Variants in ROBO2 observed in about 807,000 individuals in gnomAD.
The protein encoded by ROBO2 is roundabout guidance receptor 2.
Under a neutral mutation model 160.8 loss-of-function variants are expected in ROBO2, and 53 were observed. The observed-to-expected ratio is 0.33, with a 90% CI of 0.26 to 0.41. The LOEUF (loss-of-function observed/expected upper bound fraction) is 0.41, where lower values mean the gene tolerates loss of function less well. Ranked by LOEUF, ROBO2 falls within the 10% of genes least tolerant of loss-of-function variation. The pLI is 1.00. For missense variants in ROBO2, 1,577 were observed against 1,722.4 expected (o/e 0.92, Z 1.49); for synonymous variants, 664 against 611.7 (o/e 1.09, Z -1.26).
intron 2 of ROBO2, among the ~76,000 whole-genome samples, chr3:76,693,334 T>A (rs1011188932): frequency 2.6e-5 from 4 of 150,944 alleles, no homozygotes; most frequent in Non-Finnish European, 5.9e-5. Context: ...CATACACATA[T>A]CCCTATATAT....
chr3:76,929,491 A>C (rs750053098), intron 2 of ROBO2, among the ~76,000 whole-genome samples: 9 of 152,138 alleles, frequency 5.9e-5, no homozygotes, highest in Admixed American at 1.3e-4. Context: ...CACTACTATC[A>C]ACCTTATGTA....
intron 2 of ROBO2, among the ~76,000 whole-genome samples, chr3:77,327,284 C>T (rs963426725): frequency 1.3e-5 from 2 of 152,212 alleles, no homozygotes; most frequent in Admixed American, 6.5e-5. Flanking sequence ...GAAGAAAAAA[C>T]GCCTTTTCCT....
chr3:77,360,156 G>C (rs1320577908), intron 2 of ROBO2, among the ~76,000 whole-genome samples: 1 of 151,900 alleles, frequency 6.6e-6, no homozygotes, highest in East Asian at 1.9e-4. Flanking sequence ...TTCTTTATCA[G>C]TCACCACATG....
intron 2 of ROBO2, among the ~76,000 whole-genome samples, chr3:77,414,390 A>G (rs2077043928): frequency 6.6e-6 from 1 of 152,234 alleles, no homozygotes; most frequent in Admixed American, 6.5e-5. Flanking sequence ...ATACCACACT[A>G]GTGTCCTGCA....
At chr3:76,974,728 T>C (rs147434215) in intron 2 of ROBO2, among the ~76,000 whole-genome samples, 46 of 152,344 alleles carry the variant, frequency 3.0e-4, no homozygotes, top group African/African-American at 1.1e-3. Flanking sequence ...TGTGCCTCTT[T>C]ACTTAGTGTT....
intron 2 of ROBO2, among the ~76,000 whole-genome samples, chr3:77,305,444 C>T (rs2063020030): frequency 6.6e-6 from 1 of 152,166 alleles, no homozygotes. Context: ...AATACATCAG[C>T]AATCTAAGCT....
intron 2 of ROBO2, among the ~76,000 whole-genome samples, chr3:76,897,618 A>G (rs1228061493): frequency 6.6e-6 from 1 of 152,128 alleles, no homozygotes; most frequent in Non-Finnish European, 1.5e-5. Context: ...CTAAAGATCA[A>G]ATTGGCCTCA....
chr3:77,537,118 A>C (rs1300603375), intron 6 of ROBO2, among the ~76,000 whole-genome samples: 2 of 148,932 alleles, frequency 1.3e-5, no homozygotes, highest in Admixed American at 6.8e-5. Flanking sequence ...GGTGTATTAC[A>C]CTTACCAAAA....
At chr3:76,942,334 A>G (rs886345428) in intron 2 of ROBO2, among the ~76,000 whole-genome samples, 1 of 152,198 alleles carries the variant, frequency 6.6e-6, no homozygotes, top group Admixed American at 6.5e-5. Flanking sequence ...GTGAAGCATC[A>G]TGGACTAAGT....
chr3:77,168,135 G>A (rs567431849), intron 2 of ROBO2, among the ~76,000 whole-genome samples: 2 of 152,282 alleles, frequency 1.3e-5, no homozygotes, highest in East Asian at 1.9e-4. Flanking sequence ...TGAGGGTGCC[G>A]TGAACTCCTC....
intron 2 of ROBO2, among the ~76,000 whole-genome samples, chr3:76,192,366 A>G (rs1266087234): frequency 6.6e-6 from 1 of 151,934 alleles, no homozygotes; most frequent in Admixed American, 6.6e-5. Flanking sequence ...ATTCTTTCAA[A>G]CCTTTCCTTT....
At chr3:77,368,704 A>G (rs2071305294) in intron 2 of ROBO2, among the ~76,000 whole-genome samples, 1 of 152,172 alleles carries the variant, frequency 6.6e-6, no homozygotes, top group Admixed American at 6.5e-5. Context: ...TTTAGATCTT[A>G]TGTTCTGTAT....
At chr3:76,897,420 G>GATC (rs1489162965) in intron 2 of ROBO2, among the ~76,000 whole-genome samples, 1 of 152,040 alleles carries the variant, frequency 6.6e-6, no homozygotes, top group African/African-American at 2.4e-5. Context: ...GACACAGGAG[G>GATC]ATCATCTTGA....
chr3:77,300,545 A>G (rs2062564277), intron 2 of ROBO2, among the ~76,000 whole-genome samples: 1 of 152,058 alleles, frequency 6.6e-6, no homozygotes, highest in Non-Finnish European at 1.5e-5. Context: ...GCTATGCTAC[A>G]TAAATACTGA....
chr3:77,181,591 C>A (rs1040527019), intron 2 of ROBO2, among the ~76,000 whole-genome samples: 1 of 151,872 alleles, frequency 6.6e-6, no homozygotes, highest in Admixed American at 6.6e-5. Flanking sequence ...AAAATGTATC[C>A]CCCCTTCTAA....
rs190993418 is a variant in ROBO2, at chr3:75,965,754, G to T, written c.109+28152G>T. On this transcript the variant is annotated intron_variant, in intron 2 of 26. Coordinates refer to the ROBO2 transcript ENST00000487694. ...TTACCAAAGAAGAAAGATGACCAAA[G>T]CACATGATTAATAGATTTTAGAATT... is the stretch of plus-strand genomic sequence containing the variant. Among the ~76,000 whole-genome samples, 118 of 151,638 alleles carry T rather than the reference G, an allele frequency of 7.8e-4. 1 individual carries two copies. The highest frequency in any genetic ancestry group is 7.4e-3 in the Admixed American group (112 of 15,174).
At chr3:76,819,539 G>T (rs1182261365) in intron 2 of ROBO2, among the ~76,000 whole-genome samples, 1 of 151,964 alleles carries the variant, frequency 6.6e-6, no homozygotes, top group East Asian at 1.9e-4. Flanking sequence ...TCTCTAAAAA[G>T]TGTAACTTAA....
At chr3:77,121,463 A>G (rs1351780963) in intron 2 of ROBO2, among the ~76,000 whole-genome samples, 1 of 152,144 alleles carries the variant, frequency 6.6e-6, no homozygotes, top group Non-Finnish European at 1.5e-5. Context: ...TTCTACTGGA[A>G]TGGGGAAATA....
rs188373304 is a variant in ROBO2, at chr3:77,029,081, G to A, written c.110-68933G>A. Among the ~76,000 whole-genome samples the A allele has an allele frequency of 5.9e-5, 9 of 152,202 alleles. No homozygotes were observed. The East Asian group carries it at 1.4e-3, about 23-fold the overall frequency. The stretch of plus-strand genomic sequence containing the variant: ...ATACATTTCAATCTTTATTATGGAT[G>A]TTGTTTTAGACTGAAAGTAACAGAC... On this transcript the variant is annotated intron_variant, in intron 2 of 26. Transcript: ENST00000487694.
Sources: allele counts gnomAD v4.1 joint callset (sites outside exome capture counted in the v4.1 genomes callset), GRCh38; gene constraint gnomAD v4.1.1; transcripts MANE v1.5; gene names NCBI Gene and HGNC (gene_info 2026-07-23, HGNC 2026-07-21).